Variants in SLIT3 observed in about 807,000 individuals in gnomAD.
SLIT3 encodes slit guidance ligand 3, also known as slit homolog 3 protein.
A neutral mutation model predicts 184.0 loss-of-function variants in SLIT3; 68 were observed. The observed-to-expected ratio is 0.37, with a 90% confidence interval of 0.30 to 0.45. SLIT3 has a LOEUF of 0.45. Ranked by LOEUF, SLIT3 falls within the 20% of genes least tolerant of loss-of-function variation. SLIT3 has a pLI of 1.00. For missense variants in SLIT3, 1,707 were observed against 2,026.0 expected, an observed-to-expected ratio of 0.84 and a Z score of 3.02; for synonymous variants, 831 against 828.6, an observed-to-expected ratio of 1.00 and a Z score of -0.05.
intron 9 of SLIT3, among the ~76,000 whole-genome samples, chr5:168,803,693 T>C (rs1376635123): frequency 1.3e-5 from 2 of 151,860 alleles, no homozygotes; most frequent in African/African-American, 2.4e-5. Flanking sequence ...CAGACTGCAG[T>C]TTGGGAACCT....
chr5:169,133,799 G>A (rs2113322885), intron 4 of SLIT3, among the ~76,000 whole-genome samples: 1 of 152,258 alleles, frequency 6.6e-6, no homozygotes, highest in Middle Eastern at 3.4e-3. Context: ...CTACCTGTCA[G>A]GCAGGCAAAG....
At position 168,783,294 on chromosome 5, in the gene SLIT3, C is replaced by T. The variant is rs539326656; in HGVS notation, c.1151+2613G>A. On this transcript the variant is annotated intron_variant, in intron 12 of 35. Transcript: ENST00000519560. ...CAGCCTCTAAAAAAACGGAGACATT[C>T]TCTCCAGAATGGCCAAGAATTTTGG... Among the ~76,000 whole-genome samples, 56 of 152,016 alleles carry T rather than the reference C, an allele frequency of 3.7e-4. 1 individual carries two copies. Among genetic ancestry groups the T allele is most frequent in the African/African-American group, 1.3e-3 (54 of 41,422 alleles).
chr5:169,104,870 C>T (rs1182506424), intron 4 of SLIT3, among the ~76,000 whole-genome samples: 2 of 152,182 alleles, frequency 1.3e-5, no homozygotes, highest in African/African-American at 2.4e-5. Context: ...GGCTAACCTG[C>T]CCCACATTCT....
intron 3 of SLIT3, among the ~76,000 whole-genome samples, chr5:169,209,101 A>G (rs983520166): frequency 2.0e-4 from 31 of 152,240 alleles, no homozygotes; most frequent in Admixed American, 6.5e-4. Flanking sequence ...ACTTAAATTT[A>G]CAAGAAGAAA....
chr5:168,973,748 A>T (rs961090267), intron 4 of SLIT3, among the ~76,000 whole-genome samples: 4 of 152,104 alleles, frequency 2.6e-5, no homozygotes, highest in Admixed American at 2.0e-4. Flanking sequence ...TCTTCCTCCT[A>T]CCTAGCCCTG....
chr5:169,073,159 T>G (rs1238629327), intron 4 of SLIT3, among the ~76,000 whole-genome samples: 2 of 152,308 alleles, frequency 1.3e-5, no homozygotes, highest in Admixed American at 1.3e-4. Flanking sequence ...CTTTTCCCAG[T>G]GCCTTCCTGT....
At chr5:168,823,064 T>G (rs979154666) in intron 7 of SLIT3, among the ~76,000 whole-genome samples, 196 bp downstream of exon 7, 1 of 152,154 alleles carries the variant, frequency 6.6e-6, no homozygotes, top group African/African-American at 2.4e-5. Flanking sequence ...GAACCATGGT[T>G]GGTGGCACCA....
chr5:169,047,102 T>G (rs1757652142), intron 4 of SLIT3, among the ~76,000 whole-genome samples: 1 of 152,098 alleles, frequency 6.6e-6, no homozygotes, highest in Non-Finnish European at 1.5e-5. Flanking sequence ...CAACAATGCA[T>G]AGCTGAAAAA....
chr5:168,877,719 G>A (rs867883064), intron 5 of SLIT3, among the ~76,000 whole-genome samples: 12 of 152,136 alleles, frequency 7.9e-5, no homozygotes, highest in Non-Finnish European at 1.8e-4. Context: ...TTTTCAAAGC[G>A]TCAATTCCAA....
At chr5:169,159,351 G>A (rs1013694373) in intron 4 of SLIT3, among the ~76,000 whole-genome samples, 12 of 152,164 alleles carry the variant, frequency 7.9e-5, no homozygotes, top group Admixed American at 1.3e-4. Context: ...GCTTGAACCC[G>A]GGAGGTAGAG....
intron 4 of SLIT3, among the ~76,000 whole-genome samples, chr5:168,933,550 AAAC>A (rs973306515): frequency 2.7e-5 from 4 of 146,144 alleles, no homozygotes; most frequent in African/African-American, 7.9e-5. Context: ...CAAAACAAAC[AAAC>A]AAAAAAAACA....
chr5:169,160,969 G>A (rs1581002472), intron 4 of SLIT3, among the ~76,000 whole-genome samples: 1 of 152,272 alleles, frequency 6.6e-6, no homozygotes, highest in Admixed American at 6.5e-5. Flanking sequence ...GGCCAAAAAA[G>A]CTTTGAGATC....
intron 29 of SLIT3, among the ~76,000 whole-genome samples, chr5:168,690,943 G>A (rs773380101): frequency 6.6e-6 from 1 of 152,088 alleles, no homozygotes; most frequent in Non-Finnish European, 1.5e-5. Context: ...CAGTGGAGCC[G>A]TCCTTCCTTC....
In SLIT3 at chr5:168,743,014, C is replaced by T. The variant is rs545956785; in HGVS notation, c.2270+5288G>A. On this transcript the variant is annotated intron_variant, in intron 20 of 35. Transcript: ENST00000519560. ...GAGCGTGGTGGCATGCGCCTGTAGTCCCAGCTACCGGAGAGGCTAAGCCAG... is the reference window on the plus strand; with the variant it reads ...GAGCGTGGTGGCATGCGCCTGTAGTTCCAGCTACCGGAGAGGCTAAGCCAG... Among the ~76,000 whole-genome samples, 3 of 152,186 alleles carry T rather than the reference C, an allele frequency of 2.0e-5. No individual in the cohort carries two copies. The South Asian group carries it at 6.2e-4, about 32-fold the overall frequency.
intron 3 of SLIT3, among the ~76,000 whole-genome samples, chr5:169,210,566 C>A (rs958635087): frequency 1.3e-5 from 2 of 152,100 alleles, no homozygotes; most frequent in African/African-American, 4.8e-5. Flanking sequence ...GAAGGACTGG[C>A]ATGAAGAAAG....
intron 4 of SLIT3, among the ~76,000 whole-genome samples, chr5:169,104,804 C>A (rs1180298127): frequency 6.6e-6 from 1 of 152,206 alleles, no homozygotes; most frequent in Non-Finnish European, 1.5e-5. Context: ...CAAAAGAAAA[C>A]TCTCAGGGGG....
intron 4 of SLIT3, among the ~76,000 whole-genome samples, chr5:169,011,947 T>C (rs1226698508): frequency 2.2e-5 from 1 of 46,504 alleles, no homozygotes; most frequent in Admixed American, 1.6e-4. Flanking sequence ...TCTTTCTTGC[T>C]TTTTTTTTTT....
chr5:169,251,938 C>T (rs965260057), intron 1 of SLIT3, among the ~76,000 whole-genome samples: 1 of 152,182 alleles, frequency 6.6e-6, no homozygotes, highest in African/African-American at 2.4e-5. Flanking sequence ...GAAGCCATCT[C>T]ACCGCCACAA....
intron 4 of SLIT3, among the ~76,000 whole-genome samples, chr5:169,142,234 C>A (rs886092675): frequency 2.0e-5 from 3 of 152,056 alleles, no homozygotes; most frequent in Non-Finnish European, 4.4e-5. Flanking sequence ...CTGGATGGAG[C>A]CTTCTCTTTT....
Sources: allele counts gnomAD v4.1 joint callset (sites outside exome capture counted in the v4.1 genomes callset), GRCh38; gene constraint gnomAD v4.1.1; transcripts MANE v1.5; gene names NCBI Gene and HGNC (gene_info 2026-07-23, HGNC 2026-07-21).